Variants in CUL3 observed in about 807,000 individuals in gnomAD.
CUL3 encodes cullin-3.
A neutral mutation model predicts 89.1 loss-of-function variants in CUL3; 19 were observed. That is an observed-to-expected ratio of 0.21 (90% CI 0.15 to 0.31). The LOEUF is 0.31. Ranked by LOEUF, CUL3 falls within the 10% of genes least tolerant of loss-of-function variation. CUL3 has a pLI of 1.00. For synonymous variants in CUL3, 351 were observed against 308.4 expected, an observed-to-expected ratio of 1.14 and a Z score of -1.45; for missense variants, 469 against 942.3, an observed-to-expected ratio of 0.50 and a Z score of 6.58.
intron 1 of CUL3, among the ~76,000 whole-genome samples, chr2:224,582,186 A>G (rs1268736408): frequency 6.6e-6 from 1 of 152,012 alleles, no homozygotes; most frequent in Admixed American, 6.6e-5. Context: ...GGCTGGTCTC[A>G]AAGCTCCTGA....
intron 3 of CUL3, among the ~76,000 whole-genome samples, chr2:224,530,678 G>A (rs1403466900): frequency 5.3e-5 from 8 of 152,116 alleles, no homozygotes; most frequent in Non-Finnish European, 1.0e-4. Flanking sequence ...AGGCTGAGGC[G>A]GGTAGATCAC....
Position 224,506,135 on chromosome 2 carries a change from T to C in CUL3, c.1030-3A>G. On this transcript the variant is annotated splice_polypyrimidine_tract_variant and splice_region_variant and intron_variant, in intron 7 of 15. Transcript: ENST00000264414. Reference sequence around the variant, plus strand: ...CTACTCTTCAGATCCAATAAGCCCTTAGAAATAAAAACAAAATTTAGGACA... The same window carrying C: ...CTACTCTTCAGATCCAATAAGCCCTCAGAAATAAAAACAAAATTTAGGACA... 1 of 1,555,946 alleles carries C rather than the reference T, an allele frequency of 6.4e-7. No individual in the cohort carries two copies. The highest frequency in any genetic ancestry group is 8.7e-7 in the Non-Finnish European group (1 of 1,154,110).
rs79335494 is a variant in CUL3 at position 224,584,914 on chromosome 2, C to T, written c.66+30G>A. The T allele has an allele frequency of 9.1e-4, 1,316 of 1,447,388 alleles. 13 individuals carry two copies. The East Asian group carries it at 0.022, about 24-fold the overall frequency. The allele number at this position is 1,447,388 out of a possible 1,614,324, so 89.7% of individuals were successfully genotyped here. A position where few individuals can be genotyped will look rare whatever the true frequency, so the allele number is the denominator to read the frequency against. ...CGGCTCTCGGCCCGGCCCCCGGCCC[C>T]GGGGTCCCGGACGCCGAGGAGAGAC... On this transcript the variant is annotated intron_variant, in intron 1 of 15. Coordinates refer to ENST00000264414, the MANE Select transcript of CUL3 (RefSeq NM_003590.5).
chr2:224,510,077 ATTCAT>A (rs1214525801), intron 6 of CUL3, among the ~76,000 whole-genome samples: 1 of 152,192 alleles, frequency 6.6e-6, no homozygotes, highest in Non-Finnish European at 1.5e-5. Flanking sequence ...ACACAGGATT[ATTCAT>A]TTGTTATTGT....
At chr2:224,526,456 G>A (rs1399232607) in intron 3 of CUL3, among the ~76,000 whole-genome samples, 1 of 151,624 alleles carries the variant, frequency 6.6e-6, no homozygotes, top group Non-Finnish European at 1.5e-5. Context: ...CGTGGTGGTG[G>A]GCGCCTGTAA....
At chr2:224,525,044 AAAG>A (rs1476742453) in intron 3 of CUL3, among the ~76,000 whole-genome samples, 1 of 152,050 alleles carries the variant, frequency 6.6e-6, no homozygotes, top group Non-Finnish European at 1.5e-5. Context: ...GGAAAGTAAT[AAAG>A]AACAGATGAG....
Position 224,472,943 on chromosome 2 carries a change from G to C in CUL3, c.*1302C>G, listed in dbSNP as rs145426375. On this transcript the variant is annotated 3_prime_UTR_variant, in exon 16 of 16. Transcript: ENST00000264414. ...ATCCAACAGAAATCTATAGTGGTTT[G>C]CCCCATTACATATCTGAAACATTGT... 4.8e-6 allele frequency: 1 copy of C among 210,342 alleles called. No homozygotes were observed. The highest frequency in any genetic ancestry group is 7.2e-5 in the East Asian group (1 of 13,862). 13.0% of individuals were successfully genotyped at this position (210,342 alleles called of 1,614,324 possible).
intron 2 of CUL3, 25 bp downstream of exon 2, chr2:224,557,634 G>C (rs2106303892): frequency 6.7e-7 from 1 of 1,498,882 alleles, no homozygotes; most frequent in Non-Finnish European, 9.3e-7. Context: ...TATAGTATTA[G>C]CAACAGTCCT....
At position 224,557,663 on chromosome 2, in the gene CUL3, T is replaced by C; in HGVS notation, c.260A>G (p.Asn87Ser). 3 of 1,604,248 alleles carry C rather than the reference T, an allele frequency of 1.9e-6. No individual in the cohort carries two copies. Among genetic ancestry groups the C allele is most frequent in the Non-Finnish European group, 2.6e-6 (3 of 1,172,646 alleles). Reference sequence around the variant, plus strand: ...CAGTCCTTTAAAGTTTGATACCTTATTTATGAGATGTTCGGTAACAACTTC... The same window carrying C: ...CAGTCCTTTAAAGTTTGATACCTTACTTATGAGATGTTCGGTAACAACTTC... ...LREVVTEHLINKVREDVLNSL... is the reference protein window; with the variant it reads ...LREVVTEHLISKVREDVLNSL... Residue 87 changes from asparagine to serine, a missense_variant, in exon 2 of 16, where the codon AAT (asparagine) becomes AGT (serine). Coordinates refer to ENST00000264414, the MANE Select transcript of CUL3 (RefSeq NM_003590.5).
In CUL3 at chr2:224,505,860, A is replaced by G. The variant is rs376510944; in HGVS notation, c.1206+96T>C. The G allele has an allele frequency of 6.4e-4, 515 of 801,940 alleles. 4 individuals carry two copies. The African/African-American group carries it at 7.3e-3, about 11-fold the overall frequency. 49.7% of individuals were successfully genotyped at this position (801,940 alleles called of 1,614,324 possible). A position where few individuals can be genotyped will look rare whatever the true frequency, so the allele number is the denominator to read the frequency against. On this transcript the variant is annotated intron_variant, in intron 8 of 15. Transcript: ENST00000264414. Reference sequence around the variant, plus strand: ...ACCCATTTAAGCACAGCAATGGGTCATGCTTAATTTTTATCTGTGAAATGT... The same window carrying G: ...ACCCATTTAAGCACAGCAATGGGTCGTGCTTAATTTTTATCTGTGAAATGT...
chr2:224,518,369 A>C (rs1693143516), intron 3 of CUL3, among the ~76,000 whole-genome samples: 1 of 152,106 alleles, frequency 6.6e-6, no homozygotes. Flanking sequence ...GCTTATCTAT[A>C]AGCTGATGGA....
rs138240059 is a variant in CUL3 at position 224,517,565 on chromosome 2, C to T, written c.379-2793G>A. On this transcript the variant is annotated intron_variant, in intron 3 of 15. Transcript: ENST00000264414. Reference sequence around the variant, plus strand: ...GTGCGCGCCTGTAGTCCCAGCTACTCGGGAGGCTGAGGCAGAACAATCAGT... The same window carrying T: ...GTGCGCGCCTGTAGTCCCAGCTACTTGGGAGGCTGAGGCAGAACAATCAGT... Among the ~76,000 whole-genome samples, 23 of 152,166 alleles carry T rather than the reference C, an allele frequency of 1.5e-4. 1 individual carries two copies. The East Asian group carries it at 3.3e-3, about 22-fold the overall frequency.
At chr2:224,581,179 G>A (rs982851056) in intron 1 of CUL3, among the ~76,000 whole-genome samples, 3 of 151,826 alleles carry the variant, frequency 2.0e-5, no homozygotes, top group African/African-American at 7.3e-5. Flanking sequence ...GGCGGATCAC[G>A]ACGTCAGGAG....
chr2:224,504,768 TGAC>T (rs1231654000), intron 8 of CUL3, among the ~76,000 whole-genome samples: 8 of 152,230 alleles, frequency 5.3e-5, no homozygotes, highest in African/African-American at 1.7e-4. Flanking sequence ...GTAAAACCTG[TGAC>T]GACATGTTGC....
intron 1 of CUL3, among the ~76,000 whole-genome samples, chr2:224,571,731 C>A (rs1345507851): frequency 3.9e-5 from 6 of 152,190 alleles, no homozygotes; most frequent in Admixed American, 3.9e-4. Flanking sequence ...CTGAACCATA[C>A]CATTCATAAA....
rs549263222 is a variant in CUL3, at chr2:224,476,087, G to A, written c.2176-1711C>T. Among the ~76,000 whole-genome samples, 11 of 151,572 alleles carry A rather than the reference G, an allele frequency of 7.3e-5. No individual in the cohort carries two copies. The South Asian group carries it at 1.7e-3, about 23-fold the overall frequency. ...CGCCCAGGGTGGAGTACAATGGCAC[G>A]ATCTCGGCTCACTGCAACCTTCGCC... On this transcript the variant is annotated intron_variant, in intron 15 of 15. Coordinates refer to ENST00000264414, the MANE Select transcript of CUL3 (RefSeq NM_003590.5).
rs958932141 is a variant in CUL3, at chr2:224,472,983, A to G, written c.*1262T>C. 1 of 203,812 alleles carries G rather than the reference A, an allele frequency of 4.9e-6. No individual in the cohort carries two copies. Among genetic ancestry groups the G allele is most frequent in the Admixed American group, 6.0e-5 (1 of 16,720 alleles). 12.6% of individuals were successfully genotyped at this position (203,812 alleles called of 1,614,324 possible). ...TGAAACATTGTCTTATGAAAACAAA[A>G]TGAAACAAAATTAAATAAAATTGAA... On this transcript the variant is annotated 3_prime_UTR_variant, in exon 16 of 16. Transcript: ENST00000264414.
chr2:224,494,221 A>G (rs946169644), intron 13 of CUL3, among the ~76,000 whole-genome samples: 7 of 151,738 alleles, frequency 4.6e-5, no homozygotes, highest in East Asian at 1.9e-4. Flanking sequence ...CAAACACACT[A>G]TTTTTTTTCT....
At chr2:224,527,529 C>G (rs564712456) in intron 3 of CUL3, among the ~76,000 whole-genome samples, 72 of 152,314 alleles carry the variant, frequency 4.7e-4, no homozygotes, top group Admixed American at 3.0e-3. Context: ...TGCACTACAA[C>G]GTTCACACTA....
Sources: gnomAD v4.1 joint callset for allele counts (sites outside exome capture counted in the v4.1 genomes callset) on GRCh38, gnomAD v4.1.1 for gene constraint, MANE v1.5 for transcripts, NCBI Gene and HGNC (gene_info 2026-07-23, HGNC 2026-07-21) for gene names.